RIPOR2: variants seen among roughly 807,000 people sequenced by gnomAD.
RIPOR2 encodes RHO family interacting cell polarization regulator 2.
In RIPOR2, 39 loss-of-function variants were observed where a neutral mutation model predicts 114.5. That is an observed-to-expected ratio of 0.34 (90% CI 0.26 to 0.44). RIPOR2 has a LOEUF of 0.44. Ranked by LOEUF, RIPOR2 falls within the 20% of genes least tolerant of loss-of-function variation. The pLI, the probability that RIPOR2 is intolerant of heterozygous loss-of-function variation, is 1.00. For missense variants in RIPOR2, 1,007 were observed against 1,255.1 expected, an observed-to-expected ratio of 0.80 and a Z score of 2.99; for synonymous variants, 445 against 484.4, an observed-to-expected ratio of 0.92 and a Z score of 1.07.
At chr6:24,995,532 T>C (rs138623949) in intron 1 of RIPOR2, among the ~76,000 whole-genome samples, 2 of 152,334 alleles carry the variant, frequency 1.3e-5, no homozygotes, top group Non-Finnish European at 2.9e-5. Flanking sequence ...TGTCATCCTC[T>C]AGATTCTGTG....
chr6:25,032,120 C>G (rs1581988380), intron 1 of RIPOR2, among the ~76,000 whole-genome samples: 1 of 151,396 alleles, frequency 6.6e-6, no homozygotes, highest in Non-Finnish European at 1.5e-5. Flanking sequence ...GGGTTCTTTG[C>G]CGACTCACTT....
rs377566450 is a variant in RIPOR2 at position 24,853,347 on chromosome 6, A to T, written c.716-729T>A. 3.7e-4 allele frequency among the ~76,000 whole-genome samples: 56 copies of T among 152,344 alleles called. 1 individual carries two copies. In the South Asian group the frequency reaches 0.01, roughly 28 times the overall value. ...CAGCAGCAAAAACAAATCTTATCAG[A>T]CTAGATGGCCACCATCCGAGGCCAT... is the stretch of plus-strand genomic sequence containing the variant. On this transcript the variant is annotated intron_variant, in intron 8 of 21. Coordinates refer to ENST00000643898, the MANE Select transcript of RIPOR2 (RefSeq NM_001286445.3).
intron 16 of RIPOR2, 78 bp downstream of exon 16, chr6:24,832,178 A>G (rs1760739990): frequency 1.3e-5 from 17 of 1,333,282 alleles, no homozygotes; most frequent in Middle Eastern, 3.7e-4. Context: ...CAACAAAGCA[A>G]TGAACATGCA....
intron 1 of RIPOR2, among the ~76,000 whole-genome samples, chr6:24,948,970 C>T (rs1301652468): frequency 6.6e-6 from 1 of 152,214 alleles, no homozygotes; most frequent in Non-Finnish European, 1.5e-5. Flanking sequence ...CCCTCTCCCT[C>T]TTGTCCCTGT....
At chr6:24,837,126 TTTA>T (rs1761182011) in intron 14 of RIPOR2, among the ~76,000 whole-genome samples, 1 of 152,070 alleles carries the variant, frequency 6.6e-6, no homozygotes, top group African/African-American at 2.4e-5. Context: ...ACAATTTATT[TTTA>T]TTATTTTTTT....
intron 1 of RIPOR2, among the ~76,000 whole-genome samples, chr6:24,902,317 T>C (rs758926274): frequency 1.3e-4 from 19 of 151,704 alleles, no homozygotes; most frequent in Non-Finnish European, 1.8e-4. Context: ...TGGGTTCAAG[T>C]GATTCTCCTG....
intron 7 of RIPOR2, among the ~76,000 whole-genome samples, chr6:24,864,556 T>C (rs1169808197): frequency 6.6e-6 from 1 of 152,136 alleles, no homozygotes; most frequent in African/African-American, 2.4e-5. Context: ...GATGACTTCA[T>C]TCATGAAATC....
intron 8 of RIPOR2, 73 bp downstream of exon 8, chr6:24,860,900 G>T: frequency 1.1e-6 from 1 of 912,286 alleles, no homozygotes; most frequent in Non-Finnish European, 1.7e-6. Context: ...AATAGCATGG[G>T]CTCTCAAACT....
intron 1 of RIPOR2, among the ~76,000 whole-genome samples, chr6:25,011,087 A>G (rs1280085147): frequency 6.6e-6 from 1 of 152,214 alleles, no homozygotes; most frequent in Admixed American, 6.5e-5. Context: ...TTTCATCTAC[A>G]GAATCTATGA....
chr6:24,998,173 C>G (rs927874807), intron 1 of RIPOR2, among the ~76,000 whole-genome samples: 9 of 152,136 alleles, frequency 5.9e-5, no homozygotes, highest in African/African-American at 1.7e-4. Context: ...CTTCCTCAAT[C>G]TGTTTGTTTT....
At chr6:24,893,366 G>T (rs1318960161) in intron 1 of RIPOR2, among the ~76,000 whole-genome samples, 1 of 152,206 alleles carries the variant, frequency 6.6e-6, no homozygotes, top group Non-Finnish European at 1.5e-5. Flanking sequence ...CAGTCTCAGA[G>T]ACAGTAATTC....
At chr6:24,825,179 GA>G (rs1208874205) in intron 19 of RIPOR2, 46 bp downstream of exon 19, 1 of 1,373,518 alleles carries the variant, frequency 7.3e-7, no homozygotes, top group African/African-American at 1.4e-5. Flanking sequence ...TAAATGATAG[GA>G]AATTAAACCA....
At chr6:25,007,702 A>G (rs1172281070) in intron 1 of RIPOR2, among the ~76,000 whole-genome samples, 1 of 150,886 alleles carries the variant, frequency 6.6e-6, no homozygotes, top group Non-Finnish European at 1.5e-5. Context: ...CTTCTCGGTG[A>G]TCTTAGGCAC....
At chr6:25,024,781 C>A (rs906044975) in intron 1 of RIPOR2, among the ~76,000 whole-genome samples, 1 of 152,190 alleles carries the variant, frequency 6.6e-6, no homozygotes, top group Non-Finnish European at 1.5e-5. Flanking sequence ...TGGTGAGTAT[C>A]GGACTTAGCT....
chr6:24,945,382 A>G (rs1772354063), intron 1 of RIPOR2, among the ~76,000 whole-genome samples: 1 of 152,194 alleles, frequency 6.6e-6, no homozygotes, highest in Admixed American at 6.5e-5. Context: ...TTAGGTTGAC[A>G]TAAAAGACAC....
At chr6:24,893,767 C>T (rs578173975) in intron 1 of RIPOR2, among the ~76,000 whole-genome samples, 4 of 152,150 alleles carry the variant, frequency 2.6e-5, no homozygotes, top group East Asian at 1.9e-4. Flanking sequence ...GGAAGAGAAT[C>T]GTGTTGTCAG....
chr6:24,865,012 A>G (rs1475061683), intron 7 of RIPOR2, among the ~76,000 whole-genome samples: 1 of 152,148 alleles, frequency 6.6e-6, no homozygotes, highest in African/African-American at 2.4e-5. Context: ...CAGTGGCGCG[A>G]TCGTAGCTCA....
chr6:24,860,700 A>G (rs1174668691), intron 8 of RIPOR2, among the ~76,000 whole-genome samples: 3 of 152,206 alleles, frequency 2.0e-5, no homozygotes, highest in Non-Finnish European at 4.4e-5. Flanking sequence ...AAATCTTGCT[A>G]ATTATTACAT....
chr6:24,823,513 C>A (rs949812265), intron 19 of RIPOR2, among the ~76,000 whole-genome samples: 1 of 152,164 alleles, frequency 6.6e-6, no homozygotes, highest in Non-Finnish European at 1.5e-5. Flanking sequence ...CTACTGGAAA[C>A]TCTTCAAGGG....
Sources: allele counts gnomAD v4.1 joint callset (sites outside exome capture counted in the v4.1 genomes callset), GRCh38; gene constraint gnomAD v4.1.1; transcripts MANE v1.5; gene names NCBI Gene and HGNC (gene_info 2026-07-23, HGNC 2026-07-21).